The following MYO16 variants were observed in gnomAD, a reference collection of about 807,000 sequenced individuals.
MYO16 encodes unconventional myosin-XVI.
MYO16 carries 94 observed loss-of-function variants against 205.3 expected under a neutral mutation model. The ratio of observed to expected loss-of-function variants is 0.46; its 90% CI spans 0.39 to 0.54. MYO16 has a LOEUF of 0.54. Ranked by LOEUF, MYO16 falls within the 20% of genes least tolerant of loss-of-function variation. The probability of loss-of-function intolerance (pLI) is 0.00; values close to 1 mark genes in which losing one functional copy is unlikely to be tolerated. For missense variants in MYO16, 2,315 were observed against 2,387.5 expected (o/e 0.97, Z 0.63); for synonymous variants, 988 against 954.0 (o/e 1.04, Z -0.66).
chr13:108,834,638 A>ACTCT (rs67472762), intron 9 of MYO16, among the ~76,000 whole-genome samples: 1,954 of 90,278 alleles, frequency 0.022, 51 homozygotes, highest in African/African-American at 0.063. Flanking sequence ...TCAGTCTTGT[A>ACTCT]CTCTCTCTCT....
intron 22 of MYO16, among the ~76,000 whole-genome samples, chr13:109,018,570 A>T (rs1209096349): frequency 6.6e-6 from 1 of 152,070 alleles, no homozygotes; most frequent in Non-Finnish European, 1.5e-5. Context: ...GCCGCCTTGC[A>T]GTTCCATCTC....
intron 2 of MYO16, among the ~76,000 whole-genome samples, chr13:108,669,687 T>C (rs1188721762): frequency 1.3e-5 from 2 of 152,138 alleles, no homozygotes; most frequent in Non-Finnish European, 2.9e-5. Context: ...TTTAAGTTCC[T>C]TGTAGATTCT....
the MYO16 span, among the ~76,000 whole-genome samples, chr13:108,581,266 T>C: frequency 6.6e-6 from 1 of 152,190 alleles, no homozygotes; most frequent in South Asian, 2.1e-4. Flanking sequence ...AATTTCTAAA[T>C]GTAGAACCAT....
intron 23 of MYO16, among the ~76,000 whole-genome samples, chr13:109,021,201 A>G (rs1051313653): frequency 2.6e-5 from 4 of 152,152 alleles, no homozygotes; most frequent in African/African-American, 9.7e-5. Flanking sequence ...ATAGTTTGAG[A>G]AAATAATCAT....
chr13:109,081,522 A>C (rs1888280236), intron 27 of MYO16, among the ~76,000 whole-genome samples: 1 of 152,190 alleles, frequency 6.6e-6, no homozygotes, highest in Non-Finnish European at 1.5e-5. Flanking sequence ...AGAGCCTAGG[A>C]GAATAGCATG....
At chr13:109,101,307 C>G (rs953797279) in intron 28 of MYO16, 1 of 155,330 alleles carries the variant, frequency 6.4e-6, no homozygotes, top group Non-Finnish European at 1.4e-5. Context: ...AGCTCGTTCA[C>G]GTCTCAGTCA....
chr13:108,773,774 A>G (rs1327179822), intron 4 of MYO16, among the ~76,000 whole-genome samples: 5 of 152,106 alleles, frequency 3.3e-5, no homozygotes, highest in South Asian at 2.1e-4. Flanking sequence ...GCAACTTTCC[A>G]TAAATTTGAA....
chr13:109,152,070 C>A lies in MYO16; in HGVS notation c.5164+10694C>A, dbSNP rs560072967. On this transcript the variant is annotated intron_variant, in intron 32 of 34. Coordinates refer to ENST00000457511, the MANE Select transcript of MYO16 (RefSeq NM_001198950.3). ...CCTTTCTTAAGTAAATAACCAGTGC[C>A]CAGCAGCAGATCCTATAAGGCAAAA... Among the ~76,000 whole-genome samples, 15 of 152,198 alleles carry A rather than the reference C, an allele frequency of 9.9e-5. No homozygotes were observed. In the South Asian group the frequency reaches 2.7e-3, roughly 27 times the overall value.
chr13:109,167,704 C>T (rs1356004233), intron 33 of MYO16, among the ~76,000 whole-genome samples: 3 of 152,008 alleles, frequency 2.0e-5, no homozygotes, highest in Non-Finnish European at 2.9e-5. Context: ...AGTAAAACAC[C>T]TATAAAATAA....
intron 1 of MYO16, among the ~76,000 whole-genome samples, chr13:108,602,101 GA>G (rs11478461): frequency 0.21 from 24,292 of 117,426 alleles, 2,145 homozygotes; most frequent in East Asian, 0.28. Flanking sequence ...AGGATATGAT[GA>G]AAAAAAAAAA....
the MYO16 span, among the ~76,000 whole-genome samples, chr13:108,539,190 A>G: frequency 6.6e-6 from 1 of 152,108 alleles, no homozygotes; most frequent in Non-Finnish European, 1.5e-5. Context: ...TTTGCCAAAA[A>G]TTCTTTTGAA....
chr13:108,568,600 G>A, the MYO16 span, among the ~76,000 whole-genome samples: 2 of 152,074 alleles, frequency 1.3e-5, no homozygotes, highest in East Asian at 3.9e-4. Flanking sequence ...TATAAGAAAT[G>A]CTTTGAAAAT....
intron 27 of MYO16, among the ~76,000 whole-genome samples, chr13:109,096,453 CG>C (rs1888779813): frequency 6.6e-6 from 1 of 152,074 alleles, no homozygotes; most frequent in Non-Finnish European, 1.5e-5. Flanking sequence ...TTATCTTTGG[CG>C]GGGGGACACA....
intron 8 of MYO16, among the ~76,000 whole-genome samples, chr13:108,821,417 A>G (rs983699482): frequency 2.0e-5 from 3 of 152,234 alleles, no homozygotes; most frequent in African/African-American, 7.2e-5. Context: ...AATCAAGCTA[A>G]TATTACTTAT....
chr13:109,142,777 A>C (rs1309308790), intron 32 of MYO16, among the ~76,000 whole-genome samples: 1 of 152,096 alleles, frequency 6.6e-6, no homozygotes, highest in Non-Finnish European at 1.5e-5. Context: ...GAAGTGGCCA[A>C]TGGGAAACCT....
chr13:108,949,632 G>C (rs982365950), intron 16 of MYO16, among the ~76,000 whole-genome samples: 2 of 152,064 alleles, frequency 1.3e-5, no homozygotes, highest in African/African-American at 4.8e-5. Flanking sequence ...TGTAATTCCT[G>C]TTAAAATCTT....
chr13:108,795,558 C>T (rs1345798347), intron 6 of MYO16, among the ~76,000 whole-genome samples: 3 of 151,992 alleles, frequency 2.0e-5, no homozygotes, highest in African/African-American at 4.8e-5. Flanking sequence ...CTTCCAAAAT[C>T]GATATTTATA....
At chr13:109,107,810 C>CATATTATATTATATTATATTATATT (rs3042873) in intron 28 of MYO16, among the ~76,000 whole-genome samples, 1,776 of 141,344 alleles carry the variant, frequency 0.013, 24 homozygotes, top group Middle Eastern at 0.026. Flanking sequence ...CATATATATT[C>CATATTATATTATATTATATTATATT]ATATTATATT....
intron 28 of MYO16, among the ~76,000 whole-genome samples, chr13:109,107,290 G>A (rs1366464098): frequency 3.3e-5 from 5 of 152,174 alleles, no homozygotes; most frequent in Admixed American, 2.6e-4. Flanking sequence ...AATGTTTACG[G>A]AATAGTCTAG....
Sources: gnomAD v4.1 joint callset for allele counts (sites outside exome capture counted in the v4.1 genomes callset) on GRCh38, gnomAD v4.1.1 for gene constraint, MANE v1.5 for transcripts, NCBI Gene and HGNC (gene_info 2026-07-23, HGNC 2026-07-21) for gene names.